Variants in PTPRD observed in about 807,000 individuals in gnomAD.
The protein encoded by PTPRD is receptor-type tyrosine-protein phosphatase delta.
Under a neutral mutation model 214.5 loss-of-function variants are expected in PTPRD, and 34 were observed. The observed-to-expected ratio is 0.16, with a 90% CI of 0.12 to 0.21. The LOEUF (loss-of-function observed/expected upper bound fraction) is 0.21. PTPRD is among the 10% of genes least tolerant of loss of function. PTPRD has a pLI of 1.00. For missense variants in PTPRD, 2,545 were observed against 2,398.7 expected, an observed-to-expected ratio of 1.06 and a Z score of -1.27; for synonymous variants, 1,128 against 845.7, an observed-to-expected ratio of 1.33 and a Z score of -5.79.
At chr9:8,752,372 G>A (rs1036402789) in intron 11 of PTPRD, among the ~76,000 whole-genome samples, 2 of 152,084 alleles carry the variant, frequency 1.3e-5, no homozygotes, top group Non-Finnish European at 2.9e-5. Flanking sequence ...GCAACATCAG[G>A]AAGTTACCCT....
chr9:9,259,418 G>A (rs555886857), intron 9 of PTPRD, among the ~76,000 whole-genome samples: 2 of 151,932 alleles, frequency 1.3e-5, no homozygotes, highest in East Asian at 3.9e-4. Flanking sequence ...TGCTGTCTTT[G>A]TACCAGCCCT....
At chr9:9,782,957 G>A (rs1342007807) in intron 5 of PTPRD, among the ~76,000 whole-genome samples, 1 of 152,072 alleles carries the variant, frequency 6.6e-6, no homozygotes, top group African/African-American at 2.4e-5. Flanking sequence ...TATCTGGATA[G>A]ATAAGCCCAA....
Position 8,338,553 on chromosome 9 carries a change from T to C in PTPRD, c.5379+369A>G, listed in dbSNP as rs542793003. ...AAGGGCTTTGCAAAACAACAACATATTTAGAGCCTCAAGTAATGAAGAAGT... is the reference window on the plus strand; with the variant it reads ...AAGGGCTTTGCAAAACAACAACATACTTAGAGCCTCAAGTAATGAAGAAGT... On this transcript the variant is annotated intron_variant, in intron 43 of 45. Transcript: ENST00000381196. Among the ~76,000 whole-genome samples the C allele has an allele frequency of 9.2e-5, 14 of 152,110 alleles. No individual in the cohort carries two copies. In the East Asian group the frequency reaches 9.7e-4, roughly 11 times the overall value.
At chr9:10,208,123 G>A (rs1791386287) in intron 3 of PTPRD, among the ~76,000 whole-genome samples, 1 of 152,148 alleles carries the variant, frequency 6.6e-6, no homozygotes, top group South Asian at 2.1e-4. Context: ...TATGTAATGA[G>A]GACTTTGCTG....
chr9:8,631,174 C>T (rs539209595), intron 14 of PTPRD, among the ~76,000 whole-genome samples: 3 of 151,980 alleles, frequency 2.0e-5, no homozygotes, highest in East Asian at 3.9e-4. Context: ...TTCCATAGTG[C>T]ATATTACAGC....
chr9:9,967,569 A>T (rs946290188), intron 4 of PTPRD, among the ~76,000 whole-genome samples: 1 of 152,186 alleles, frequency 6.6e-6, no homozygotes, highest in Non-Finnish European at 1.5e-5. Context: ...ATAAAAGATG[A>T]ATATTATCTC....
intron 9 of PTPRD, among the ~76,000 whole-genome samples, chr9:9,334,070 A>G (rs1380552867): frequency 6.6e-6 from 1 of 151,990 alleles, no homozygotes; most frequent in African/African-American, 2.4e-5. Flanking sequence ...TTGAAAGAAA[A>G]TGCCTAAGTG....
intron 44 of PTPRD, among the ~76,000 whole-genome samples, chr9:8,325,453 C>A (rs1238895148): frequency 4.0e-5 from 6 of 148,800 alleles, no homozygotes; most frequent in African/African-American, 1.2e-4. Context: ...TGGTCTATAT[C>A]TCTGTTTTGG....
intron 11 of PTPRD, among the ~76,000 whole-genome samples, chr9:8,790,181 ATTT>A (rs1440748567): frequency 6.6e-6 from 1 of 151,268 alleles, no homozygotes; most frequent in South Asian, 2.1e-4. Flanking sequence ...TATGCCTAAT[ATTT>A]TTTTTATTTT....
chr9:9,960,051 A>G (rs1192002338), intron 4 of PTPRD, among the ~76,000 whole-genome samples: 1 of 152,184 alleles, frequency 6.6e-6, no homozygotes, highest in African/African-American at 2.4e-5. Context: ...GGTTTCTAAT[A>G]ACATTCTCTA....
intron 3 of PTPRD, among the ~76,000 whole-genome samples, chr9:10,274,770 T>C (rs1305756919): frequency 1.3e-5 from 2 of 152,164 alleles, no homozygotes; most frequent in Non-Finnish European, 2.9e-5. Flanking sequence ...AGAAGCTACA[T>C]TTACATTTTT....
At chr9:9,431,176 G>A (rs999539703) in intron 8 of PTPRD, among the ~76,000 whole-genome samples, 1 of 152,206 alleles carries the variant, frequency 6.6e-6, no homozygotes, top group South Asian at 2.1e-4. Context: ...CTAATATCCA[G>A]AATCTACAAA....
intron 11 of PTPRD, among the ~76,000 whole-genome samples, chr9:8,967,375 G>A (rs1001953987): frequency 3.3e-5 from 5 of 152,104 alleles, no homozygotes; most frequent in Non-Finnish European, 4.4e-5. Context: ...GCACTTGCAT[G>A]TTCACTGTGG....
intron 11 of PTPRD, among the ~76,000 whole-genome samples, chr9:8,821,282 T>A (rs78050305): frequency 0.057 from 8,626 of 152,110 alleles, 494 homozygotes; most frequent in African/African-American, 0.14. Flanking sequence ...CACCTCTCTC[T>A]CTCTCTGTCT....
chr9:8,491,000 G>C (rs2097138134), intron 27 of PTPRD, among the ~76,000 whole-genome samples: 1 of 152,202 alleles, frequency 6.6e-6, no homozygotes, highest in Non-Finnish European at 1.5e-5. Flanking sequence ...TTTTAATACA[G>C]TAGACAAAAC....
At chr9:8,860,551 G>T (rs2098083107) in intron 11 of PTPRD, 1 of 152,186 alleles carries the variant, frequency 6.6e-6, no homozygotes, top group African/African-American at 2.4e-5. Context: ...AAAAACGGGA[G>T]ATACAGCAAA....
At chr9:9,685,011 A>T (rs1018287565) in intron 7 of PTPRD, among the ~76,000 whole-genome samples, 1 of 151,606 alleles carries the variant, frequency 6.6e-6, no homozygotes, top group South Asian at 2.1e-4. Flanking sequence ...TCCTTAGAAC[A>T]CAGTCAGCAC....
At position 9,769,317 on chromosome 9, in the gene PTPRD, CTTTTTTTTT is replaced by C. The variant is rs34497562; in HGVS notation, c.-367-2475_-367-2467del. ...GTAAACTATGTTTTAACCAGAAGCC[CTTTTTTTTT>C]TTTTTTTTTTTTTTTTTGAGATGGA... is the stretch of plus-strand genomic sequence containing the variant. On this transcript the variant is annotated intron_variant, in intron 5 of 45. Coordinates refer to ENST00000381196, the MANE Select transcript of PTPRD (RefSeq NM_002839.4). Among the ~76,000 whole-genome samples, 553 of 69,608 alleles carry C rather than the reference CTTTTTTTTT, an allele frequency of 7.9e-3. 5 individuals carry two copies. Among genetic ancestry groups the C allele is most frequent in the African/African-American group, 0.03 (526 of 17,332 alleles). The allele number at this position is 69,608 out of a possible 152,430, so 45.7% of individuals were successfully genotyped here.
chr9:10,248,327 C>A (rs573546687), intron 3 of PTPRD, among the ~76,000 whole-genome samples: 1 of 151,704 alleles, frequency 6.6e-6, no homozygotes, highest in African/African-American at 2.4e-5. Context: ...ATAAAAATTA[C>A]GAATTATTAC....
Sources: gnomAD v4.1 joint callset for allele counts (sites outside exome capture counted in the v4.1 genomes callset) on GRCh38, gnomAD v4.1.1 for gene constraint, MANE v1.5 for transcripts, NCBI Gene and HGNC (gene_info 2026-07-23, HGNC 2026-07-21) for gene names.